ZBTB38: variants seen among roughly 807,000 people sequenced by gnomAD.
The protein encoded by ZBTB38 is zinc finger and BTB domain-containing protein 38.
ZBTB38 carries 20 observed loss-of-function variants against 76.8 expected under a neutral mutation model. The observed-to-expected ratio is 0.26, with a 90% CI of 0.18 to 0.38. The LOEUF is 0.38. Among genes scored for constraint, ZBTB38 ranks in the 10% least tolerant of loss-of-function variants. The pLI is 1.00. For synonymous variants in ZBTB38, 504 were observed against 544.2 expected, an observed-to-expected ratio of 0.93 and a Z score of 1.03; for missense variants, 1,082 against 1,482.3, an observed-to-expected ratio of 0.73 and a Z score of 4.43.
At chr3:141,393,807 G>T (rs748507789) in intron 4 of ZBTB38, among the ~76,000 whole-genome samples, 24 of 152,120 alleles carry the variant, frequency 1.6e-4, no homozygotes, top group Non-Finnish European at 3.2e-4. Flanking sequence ...GCTCAGGAGA[G>T]ACCTTAAATG....
chr3:141,441,585 A>G (rs1399493617), intron 5 of ZBTB38, among the ~76,000 whole-genome samples: 9 of 152,188 alleles, frequency 5.9e-5, no homozygotes, highest in African/African-American at 1.9e-4. Context: ...AGACTTGGTT[A>G]CACACCCTGC....
intron 1 of ZBTB38, among the ~76,000 whole-genome samples, chr3:141,355,569 C>T (rs745856842): frequency 5.0e-4 from 76 of 152,196 alleles, no homozygotes; most frequent in Admixed American, 8.5e-4. Flanking sequence ...AGCCCTACTC[C>T]GGCTCTCAAA....
chr3:141,365,898 A>T (rs1342723287), upstream of ZBTB38, among the ~76,000 whole-genome samples: 1 of 152,126 alleles, frequency 6.6e-6, no homozygotes, highest in Admixed American at 6.5e-5. Flanking sequence ...TACCTTAATA[A>T]TTTTTTTTAA....
intron 2 of ZBTB38, among the ~76,000 whole-genome samples, chr3:141,370,553 A>G (rs1022281552): frequency 1.3e-5 from 2 of 152,244 alleles, no homozygotes; most frequent in Non-Finnish European, 2.9e-5. Context: ...ATAAAGTTGC[A>G]TAGAAACAGT....
chr3:141,329,322 T>C (rs1430588385), intron 1 of ZBTB38, among the ~76,000 whole-genome samples: 5 of 152,182 alleles, frequency 3.3e-5, no homozygotes, highest in Admixed American at 3.3e-4. Context: ...GAGAAATGCC[T>C]TCAACATGCT....
intron 5 of ZBTB38, among the ~76,000 whole-genome samples, chr3:141,425,148 G>C (rs1348873715): frequency 6.6e-6 from 1 of 152,172 alleles, no homozygotes; most frequent in African/African-American, 2.4e-5. Context: ...GTACCAGACT[G>C]GACATGGTGT....
intron 5 of ZBTB38, among the ~76,000 whole-genome samples, chr3:141,420,648 G>A (rs2075144912): frequency 6.6e-6 from 1 of 152,172 alleles, no homozygotes; most frequent in Admixed American, 6.5e-5. Flanking sequence ...TATTTTCTAA[G>A]TATAACAGTA....
At chr3:141,405,633 CA>C (rs1307536026) in intron 5 of ZBTB38, 1 of 152,170 alleles carries the variant, frequency 6.6e-6, no homozygotes, top group Non-Finnish European at 1.5e-5. Flanking sequence ...CCACAGAAAT[CA>C]AATCGCAAGA....
intron 1 of ZBTB38, among the ~76,000 whole-genome samples, chr3:141,349,524 TA>T (rs1328233588): frequency 3.9e-5 from 6 of 152,050 alleles, no homozygotes; most frequent in Admixed American, 2.0e-4. Context: ...CATTCTGAAT[TA>T]AAGACAACTG....
At chr3:141,401,733 T>G (rs1354351732) in intron 4 of ZBTB38, among the ~76,000 whole-genome samples, 2 of 152,106 alleles carry the variant, frequency 1.3e-5, no homozygotes, top group Non-Finnish European at 1.5e-5. Flanking sequence ...ATGGCCAGCT[T>G]GTGGCAGGCC....
chr3:141,358,596 C>A (rs1419779436), intron 1 of ZBTB38, among the ~76,000 whole-genome samples: 1 of 152,176 alleles, frequency 6.6e-6, no homozygotes, highest in Admixed American at 6.5e-5. Context: ...AAAATGCACC[C>A]TTTTAAAGTG....
At chr3:141,412,405 A>G (rs939299556) in intron 5 of ZBTB38, among the ~76,000 whole-genome samples, 1 of 152,072 alleles carries the variant, frequency 6.6e-6, no homozygotes, top group Admixed American at 6.5e-5. Flanking sequence ...TGTGAGGTCT[A>G]CGAGCATTTG....
At chr3:141,379,525 G>A (rs1490315886) in intron 2 of ZBTB38, among the ~76,000 whole-genome samples, 2 of 152,174 alleles carry the variant, frequency 1.3e-5, no homozygotes, top group Non-Finnish European at 2.9e-5. Flanking sequence ...ATGATGAGAG[G>A]GACAGCGGTG....
In ZBTB38 at chr3:141,443,775, G is replaced by A. The variant is rs750266430; in HGVS notation, c.1387G>A (p.Val463Ile). 6.8e-6 allele frequency: 11 copies of A among 1,613,760 alleles called. No individual in the cohort carries two copies. The highest frequency in any genetic ancestry group is 6.7e-5 in the African/African-American group (5 of 74,906). Residue 463 changes from valine (V) to isoleucine (I), a missense_variant, in exon 6 of 6, where the codon GTT becomes ATT. Transcript: ENST00000321464. The surrounding 1 kb of genome is among the most constrained non-coding windows in gnomAD (Gnocchi z 5.6). ...TAATGGGCAAATGCTCTACAGTTGC[G>A]TTGTGTGCAAACGTAGTTATGTGAC... ...FVNGQMLYSC[V>I]VCKRSYVTLS...
chr3:141,445,093 T>C lies in ZBTB38; in HGVS notation c.2705T>C (p.Val902Ala). ...TCCGAGTGCATGGAGATGAGTGAAGTGTTCGATGACGCAAGTGACCAGGAT... is the reference window on the plus strand; with the variant it reads ...TCCGAGTGCATGGAGATGAGTGAAGCGTTCGATGACGCAAGTGACCAGGAT... ...CQSECMEMSE[V>A]FDDASDQDST... The change falls in exon 6 of 6, where the codon GTG (valine) becomes GCG (alanine). Residue 902 changes from valine (V) to alanine (A), a missense_variant. Transcript: ENST00000321464. The surrounding 1 kb of genome is among the most constrained non-coding windows in gnomAD (Gnocchi z 6.5). The C allele has an allele frequency of 6.2e-7, 1 of 1,614,076 alleles. No individual in the cohort carries two copies. The highest frequency in any genetic ancestry group is 8.5e-7 in the Non-Finnish European group (1 of 1,180,008).
intron 1 of ZBTB38, among the ~76,000 whole-genome samples, chr3:141,340,996 G>GA (rs1553760169): frequency 0.013 from 1,164 of 91,038 alleles, 10 homozygotes; most frequent in Middle Eastern, 0.051. Context: ...GAAAGAGAAA[G>GA]AAGAAAGAAA....
chr3:141,386,053 C>T (rs1047294578), intron 3 of ZBTB38: 1 of 152,208 alleles, frequency 6.6e-6, no homozygotes, highest in African/African-American at 2.4e-5. Flanking sequence ...GATTTCTTCT[C>T]TTACAGTATG....
intron 1 of ZBTB38, among the ~76,000 whole-genome samples, chr3:141,329,046 CAAT>C (rs1942762601): frequency 6.6e-6 from 1 of 152,138 alleles, no homozygotes; most frequent in African/African-American, 2.4e-5. Context: ...TTCTTTCATC[CAAT>C]AATTGGCTAG....
intron 5 of ZBTB38, among the ~76,000 whole-genome samples, chr3:141,437,676 G>T (rs1240914545): frequency 2.0e-5 from 3 of 152,102 alleles, no homozygotes; most frequent in Non-Finnish European, 1.5e-5. Flanking sequence ...AGAAATTAAG[G>T]TATAAAAATA....
Sources: allele counts gnomAD v4.1 joint callset (sites outside exome capture counted in the v4.1 genomes callset), GRCh38; gene constraint gnomAD v4.1.1; non-coding constraint Gnocchi (gnomAD v3.1); transcripts MANE v1.5; gene names NCBI Gene and HGNC (gene_info 2026-07-23, HGNC 2026-07-21).